The following SPANXN4 variants were observed in gnomAD, a reference collection of about 807,000 sequenced individuals.
SPANXN4 encodes SPANX family member N4.
In SPANXN4, 5 loss-of-function variants were observed where a neutral mutation model predicts 6.0. The ratio of observed to expected loss-of-function variants is 0.83; its 90% CI spans 0.44 to 1.75. The LOEUF is 1.75. SPANXN4 is among the 40% of genes most tolerant of loss of function. The probability of loss-of-function intolerance (pLI) is 0.02; values close to 1 mark genes in which losing one functional copy is unlikely to be tolerated. For missense variants in SPANXN4, 157 were observed against 108.6 expected (o/e 1.45, Z -1.98); for synonymous variants, 45 against 38.0 (o/e 1.19, Z -0.68).
At chrX:143,026,011 A>T in exon 1 of SPANXN4, 2 of 1,207,162 alleles carry the variant, frequency 1.7e-6, no homozygotes, top group Non-Finnish European at 2.2e-6. Flanking sequence ...AACCAACCAT[A>T]ATCATGGAAG....
downstream of SPANXN4, chrX:143,034,783 G>A (rs1932835214): frequency 7.8e-6 from 8 of 1,030,183 alleles, no homozygotes; most frequent in African/African-American, 1.4e-4. Context: ...TGGAGGACAT[G>A]CTTCCAATAC....
At chrX:143,026,038 C>T (rs1186491217) in exon 1 of SPANXN4, 1 of 1,207,664 alleles carries the variant, frequency 8.3e-7, no homozygotes, top group Non-Finnish European at 1.1e-6. Flanking sequence ...CTTCCAGCAC[C>T]AACGAGAATA....
At chrX:143,029,363 C>T (rs890260941) in intron 1 of SPANXN4, among the ~76,000 whole-genome samples, 2 of 111,602 alleles carry the variant, frequency 1.8e-5, no homozygotes, top group African/African-American at 6.5e-5. Context: ...AATGTTAACT[C>T]TCTTTCCGTT....
chrX:143,031,601 T>C (rs1299770797), intron 1 of SPANXN4, among the ~76,000 whole-genome samples: 1 of 112,190 alleles, frequency 8.9e-6, no homozygotes, highest in Non-Finnish European at 1.9e-5. Flanking sequence ...TATAACAGGC[T>C]CCTGGCAGTG....
At chrX:143,029,346 T>A (rs1432600668) in intron 1 of SPANXN4, among the ~76,000 whole-genome samples, 1 of 111,347 alleles carries the variant, frequency 9.0e-6, no homozygotes, top group African/African-American at 3.3e-5. Context: ...TATTTGGAAT[T>A]GGTGTGAATG....
downstream of SPANXN4, among the ~76,000 whole-genome samples, chrX:143,038,003 C>A (rs1362619325): frequency 9.0e-6 from 1 of 111,589 alleles, no homozygotes; most frequent in Non-Finnish European, 1.9e-5. Flanking sequence ...TGGACTGATA[C>A]ATCTATAGAA....
At chrX:143,026,712 C>A (rs144244585) in intron 1 of SPANXN4, among the ~76,000 whole-genome samples, 5,882 of 110,655 alleles carry the variant, frequency 0.053, 292 homozygotes, top group African/African-American at 0.15. Flanking sequence ...GACTTGGCAG[C>A]GGAGAAGGAT....
intron 1 of SPANXN4, among the ~76,000 whole-genome samples, chrX:143,033,174 A>G (rs1013098334): frequency 9.8e-5 from 11 of 111,700 alleles, no homozygotes; most frequent in African/African-American, 3.6e-4. Context: ...CCACCCAGAA[A>G]GGGTAAGGAA....
At chrX:143,034,197 G>C in exon 2 of SPANXN4, 3 of 1,179,626 alleles carry the variant, frequency 2.5e-6, no homozygotes, top group Middle Eastern at 4.6e-4. Flanking sequence ...AAAGAGAAAG[G>C]AGACCTAGAC....
At chrX:143,031,140 C>T (rs184588371) in intron 1 of SPANXN4, among the ~76,000 whole-genome samples, 1,332 of 110,508 alleles carry the variant, frequency 0.012, 70 homozygotes, top group Admixed American at 0.12. Flanking sequence ...ACTTAACTTT[C>T]CCACCCCAAG....
chrX:143,031,600 C>A (rs999656572), intron 1 of SPANXN4, among the ~76,000 whole-genome samples: 3 of 112,074 alleles, frequency 2.7e-5, no homozygotes, highest in African/African-American at 9.7e-5. Flanking sequence ...TTATAACAGG[C>A]TCCTGGCAGT....
intron 2 of SPANXN4, 43 bp downstream of exon 2, chrX:143,034,354 A>C (rs35294720): frequency 0.4 from 409,552 of 1,027,622 alleles, 57,298 homozygotes; most frequent in Middle Eastern, 0.46. Flanking sequence ...GGTGGGGAGG[A>C]AGGGAAGGGA....
At chrX:143,034,251 A>C in intron 2 of SPANXN4, 2 of 1,155,341 alleles carry the variant, frequency 1.7e-6, no homozygotes, top group Non-Finnish European at 2.3e-6. Context: ...AATTAGTCCA[A>C]ATTGGACAAA....
chrX:143,038,182 G>T (rs1001344676), downstream of SPANXN4, among the ~76,000 whole-genome samples: 4 of 111,672 alleles, frequency 3.6e-5, no homozygotes, highest in African/African-American at 1.3e-4. Context: ...GAAAGCACTT[G>T]CACTAGTGAC....
chrX:143,032,264 T>C (rs1372003447), intron 1 of SPANXN4, among the ~76,000 whole-genome samples: 1 of 111,591 alleles, frequency 9.0e-6, no homozygotes, highest in African/African-American at 3.3e-5. Flanking sequence ...GATGGGAACA[T>C]GATCTCAGAT....
intron 1 of SPANXN4, among the ~76,000 whole-genome samples, chrX:143,032,311 G>A (rs998563367): frequency 9.0e-6 from 1 of 111,366 alleles, no homozygotes; most frequent in Non-Finnish European, 1.9e-5. Flanking sequence ...GCAAGGGAAG[G>A]GCTTTGGAAG....
intron 1 of SPANXN4, among the ~76,000 whole-genome samples, chrX:143,030,608 A>C (rs866046473): frequency 1.9e-5 from 2 of 103,170 alleles, no homozygotes; most frequent in African/African-American, 3.5e-5. Flanking sequence ...AAAAAAAAAA[A>C]CTTTGGGAAG....
chrX:143,034,368 G>C lies in SPANXN4; in HGVS notation c.283+136G>C, dbSNP rs1057045087. ...TGGTGGGGAGGAAGGGAAGGGAAAA[G>C]ATAGGCATTTGAGAACGGAGGGATA... On this transcript the variant is annotated intron_variant, in intron 2 of 2. Coordinates refer to ENST00000370504, the Ensembl canonical transcript of SPANXN4. The C allele has an allele frequency of 3.8e-6, 4 of 1,041,207 alleles. No homozygotes were observed. In the African/African-American group the frequency reaches 5.8e-5, roughly 15 times the overall value. The allele number at this position is 1,041,207 out of a possible 1,213,427, so 85.8% of individuals were successfully genotyped here.
At chrX:143,037,133 G>C (rs935271630), downstream of SPANXN4, among the ~76,000 whole-genome samples, 3 of 110,633 alleles carry the variant, frequency 2.7e-5, no homozygotes, top group African/African-American at 9.9e-5. Flanking sequence ...TCACATTCAA[G>C]GTACTCTTTT....
Sources: allele counts gnomAD v4.1 joint callset (sites outside exome capture counted in the v4.1 genomes callset), GRCh38; gene constraint gnomAD v4.1.1; transcripts MANE v1.5; gene names NCBI Gene and HGNC (gene_info 2026-07-23, HGNC 2026-07-21).